Variants in RPS6KA6 observed in about 807,000 individuals in gnomAD.
The protein encoded by RPS6KA6 is ribosomal protein S6 kinase A6.
RPS6KA6 carries 27 observed loss-of-function variants against 65.4 expected under a neutral mutation model. That is an observed-to-expected ratio of 0.41 (90% CI 0.30 to 0.57). The LOEUF is 0.57. Ranked by LOEUF, RPS6KA6 falls within the 20% of genes least tolerant of loss-of-function variation. The pLI, the probability that RPS6KA6 is intolerant of heterozygous loss-of-function variation, is 0.24. For synonymous variants in RPS6KA6, 190 were observed against 184.2 expected (o/e 1.03, Z -0.26); for missense variants, 486 against 555.6 (o/e 0.87, Z 1.26).
At chrX:84,131,297 A>G (rs1382482428) in intron 8 of RPS6KA6, among the ~76,000 whole-genome samples, 2 of 112,641 alleles carry the variant, frequency 1.8e-5, no homozygotes, top group Non-Finnish European at 3.8e-5. Flanking sequence ...GGTCCCCTCA[A>G]AACTGATTTT....
intron 3 of RPS6KA6, among the ~76,000 whole-genome samples, chrX:84,152,083 C>T (rs1226890401): frequency 1.8e-5 from 2 of 111,411 alleles, no homozygotes; most frequent in Admixed American, 1.9e-4. Flanking sequence ...GACACTGTTG[C>T]ATAAAGGAGC....
At chrX:84,081,460 C>G (rs762107273) in intron 20 of RPS6KA6, among the ~76,000 whole-genome samples, 2 of 111,268 alleles carry the variant, frequency 1.8e-5, no homozygotes, top group South Asian at 7.5e-4. Flanking sequence ...AAATTCTAAA[C>G]TCGAGGCAGT....
At chrX:84,121,805 G>T (rs1200767140) in intron 8 of RPS6KA6, among the ~76,000 whole-genome samples, 6 of 111,997 alleles carry the variant, frequency 5.4e-5, no homozygotes, top group East Asian at 2.8e-4. Context: ...TTACAAAAAA[G>T]AAAATAGAAA....
At chrX:84,148,651 C>A (rs1172038960) in intron 3 of RPS6KA6, among the ~76,000 whole-genome samples, 1 of 111,153 alleles carries the variant, frequency 9.0e-6, no homozygotes, top group Non-Finnish European at 1.9e-5. Flanking sequence ...AAGACCCAGG[C>A]CCACTTTTTG....
intron 1 of RPS6KA6, among the ~76,000 whole-genome samples, chrX:84,182,067 A>T (rs201050082): frequency 4.6e-5 from 4 of 87,201 alleles, no homozygotes; most frequent in Non-Finnish European, 4.7e-5. Context: ...TCTCTCTCAC[A>T]CACACACACA....
At chrX:84,088,511 C>G (rs1485754838) in intron 20 of RPS6KA6, among the ~76,000 whole-genome samples, 1 of 111,786 alleles carries the variant, frequency 8.9e-6, no homozygotes, top group African/African-American at 3.3e-5. Context: ...GGAGTTCTGT[C>G]CCAGGGGGAT....
intron 3 of RPS6KA6, among the ~76,000 whole-genome samples, chrX:84,148,558 C>T (rs2147554903): frequency 9.1e-6 from 1 of 110,425 alleles, no homozygotes; most frequent in African/African-American, 3.3e-5. Context: ...AAATAGATGA[C>T]CTGGTACTGA....
intron 3 of RPS6KA6, among the ~76,000 whole-genome samples, chrX:84,151,106 T>C (rs1314431689): frequency 2.0e-5 from 2 of 98,807 alleles, no homozygotes; most frequent in African/African-American, 7.3e-5. Flanking sequence ...GATAGATATA[T>C]ATAGATATAT....
Position 84,179,274 on chromosome X carries a change from T to C in RPS6KA6, c.81+8545A>G, listed in dbSNP as rs191010660. ...CACTTAATCTGACAAGACTAAGTGC[T>C]GGCAAGTACTCAGAGCAGCTGGAAT... On this transcript the variant is annotated intron_variant, in intron 1 of 21. Coordinates refer to ENST00000262752, the MANE Select transcript of RPS6KA6 (RefSeq NM_014496.5). 1.8e-3 allele frequency among the ~76,000 whole-genome samples: 195 copies of C among 111,398 alleles called. 2 individuals are homozygous for C. Among genetic ancestry groups the C allele is most frequent in the Non-Finnish European group, 7.2e-4 (38 of 52,992 alleles).
intron 20 of RPS6KA6, among the ~76,000 whole-genome samples, chrX:84,078,650 AATT>A (rs951960690): frequency 4.5e-5 from 5 of 112,215 alleles, no homozygotes; most frequent in Non-Finnish European, 9.4e-5. Flanking sequence ...TAAATCTCAA[AATT>A]ATTATTAAAT....
intron 18 of RPS6KA6, among the ~76,000 whole-genome samples, chrX:84,101,530 G>A (rs1220571565): frequency 9.0e-6 from 1 of 110,631 alleles, no homozygotes; most frequent in Non-Finnish European, 1.9e-5. Context: ...TATTTTCTCC[G>A]GGAGTTAGAA....
At position 84,177,382 on chromosome X, in the gene RPS6KA6, T is replaced by G. The variant is rs752635809; in HGVS notation, c.81+10437A>C. On this transcript the variant is annotated intron_variant, in intron 1 of 21. Coordinates refer to ENST00000262752, the MANE Select transcript of RPS6KA6 (RefSeq NM_014496.5). ...TAAGTGCTTTACATATATTATATGC[T>G]ACTGTTATCCCCATTTTACAGATAG... is the stretch of plus-strand genomic sequence containing the variant. Among the ~76,000 whole-genome samples the G allele has an allele frequency of 3.0e-4, 33 of 111,666 alleles. 1 individual carries two copies. Among genetic ancestry groups the G allele is most frequent in the Admixed American group, 6.7e-4 (7 of 10,462 alleles).
intron 6 of RPS6KA6, among the ~76,000 whole-genome samples, chrX:84,136,782 A>C (rs2034998648): frequency 9.0e-6 from 1 of 111,465 alleles, no homozygotes; most frequent in African/African-American, 3.3e-5. Context: ...TACAATCATT[A>C]TGTTATTATA....
chrX:84,127,844 T>C (rs1015124604), intron 8 of RPS6KA6, among the ~76,000 whole-genome samples: 2 of 110,357 alleles, frequency 1.8e-5, no homozygotes, highest in Non-Finnish European at 3.8e-5. Flanking sequence ...AAGCCATATA[T>C]GACACACCCA....
At chrX:84,169,625 G>A (rs1368733206) in intron 1 of RPS6KA6, among the ~76,000 whole-genome samples, 1 of 111,311 alleles carries the variant, frequency 9.0e-6, no homozygotes, top group Non-Finnish European at 1.9e-5. Context: ...TTAGAAGTAG[G>A]CCCACATCTA....
At chrX:84,091,697 A>G (rs2034047974) in intron 20 of RPS6KA6, among the ~76,000 whole-genome samples, 1 of 112,037 alleles carries the variant, frequency 8.9e-6, no homozygotes, top group African/African-American at 3.2e-5. Flanking sequence ...CAGGGTATAT[A>G]CCCAAAGGAA....
intron 12 of RPS6KA6, among the ~76,000 whole-genome samples, chrX:84,109,505 C>G (rs912039200): frequency 9.0e-6 from 1 of 111,205 alleles, no homozygotes; most frequent in African/African-American, 3.3e-5. Context: ...ACCCAATCAC[C>G]TGAGTGTTTT....
intron 1 of RPS6KA6, among the ~76,000 whole-genome samples, chrX:84,175,953 T>TA (rs918004798): frequency 6.3e-5 from 7 of 111,102 alleles, no homozygotes; most frequent in Admixed American, 2.9e-4. Context: ...TAGAACCAAT[T>TA]AAAAAAAATC....
At chrX:84,152,198 C>G (rs144192360) in intron 3 of RPS6KA6, among the ~76,000 whole-genome samples, 107 of 110,843 alleles carry the variant, frequency 9.7e-4, no homozygotes, top group Middle Eastern at 4.6e-3. Flanking sequence ...AACACCTGAT[C>G]TGTTTTTTCT....
Sources: allele counts gnomAD v4.1 joint callset (sites outside exome capture counted in the v4.1 genomes callset), GRCh38; gene constraint gnomAD v4.1.1; transcripts MANE v1.5; gene names NCBI Gene and HGNC (gene_info 2026-07-23, HGNC 2026-07-21).